Variants in KIF1B observed in about 807,000 individuals in gnomAD.
KIF1B encodes the protein kinesin-like protein KIF1B.
KIF1B carries 76 observed loss-of-function variants against 241.9 expected under a neutral mutation model. The ratio of observed to expected loss-of-function variants is 0.31; its 90% CI spans 0.26 to 0.38. The LOEUF (loss-of-function observed/expected upper bound fraction) is 0.38. Ranked by LOEUF, KIF1B falls within the 10% of genes least tolerant of loss-of-function variation. KIF1B has a pLI of 1.00. For synonymous variants in KIF1B, 750 were observed against 796.7 expected (o/e 0.94, Z 0.99); for missense variants, 1,622 against 2,271.4 (o/e 0.71, Z 5.81).
At chr1:10,361,882 T>C (rs1279563007) in intron 40 of KIF1B, 57 bp downstream of exon 40, 8 of 1,590,690 alleles carry the variant, frequency 5.0e-6, no homozygotes, top group Non-Finnish European at 6.9e-6. Context: ...ACAGAATCAT[T>C]AGTCCTTAAG....
intron 1 of KIF1B, among the ~76,000 whole-genome samples, chr1:10,225,773 T>C (rs1306417769): frequency 1.3e-5 from 2 of 152,176 alleles, no homozygotes; most frequent in Non-Finnish European, 2.9e-5. Flanking sequence ...GCAGTGTTCA[T>C]GTGGGCTTGT....
intron 32 of KIF1B, among the ~76,000 whole-genome samples, chr1:10,340,902 T>C (rs1423612807): frequency 6.6e-6 from 1 of 152,248 alleles, no homozygotes; most frequent in African/African-American, 2.4e-5. Flanking sequence ...CATGAAACTG[T>C]CTCTCATTCT....
intron 2 of KIF1B, among the ~76,000 whole-genome samples, chr1:10,240,486 C>T (rs116722015): frequency 3.3e-3 from 500 of 151,830 alleles, no homozygotes; most frequent in African/African-American, 0.011. Context: ...GGGATTAAAG[C>T]CATGAGCCAC....
intron 22 of KIF1B, among the ~76,000 whole-genome samples, chr1:10,315,756 T>C (rs1651275031): frequency 6.6e-6 from 1 of 151,414 alleles, no homozygotes; most frequent in Non-Finnish European, 1.5e-5. Context: ...AATCTTTTTG[T>C]TAAGAATGCT....
At position 10,282,317 on chromosome 1, in the gene KIF1B, C is replaced by T. The variant is rs1194973419; in HGVS notation, c.1223-5C>T. On this transcript the variant is annotated splice_polypyrimidine_tract_variant and splice_region_variant and intron_variant, in intron 14 of 48. Coordinates refer to ENST00000676179, the MANE Select transcript of KIF1B (RefSeq NM_001365951.3). Reference sequence around the variant, plus strand: ...TTCCTGCCTTCTCTTCTTTCTATCTCCCAGATCTGAAAGATTTTCAGAACA... The same window carrying T: ...TTCCTGCCTTCTCTTCTTTCTATCTTCCAGATCTGAAAGATTTTCAGAACA... 3.1e-6 allele frequency: 5 copies of T among 1,610,680 alleles called. No homozygotes were observed. Among genetic ancestry groups the T allele is most frequent in the Non-Finnish European group, 4.2e-6 (5 of 1,177,238 alleles).
At position 10,223,401 on chromosome 1, in the gene KIF1B, A is replaced by G. The variant is rs1045697352; in HGVS notation, c.-79-8849A>G. On this transcript the variant is annotated intron_variant, in intron 1 of 48. Coordinates refer to ENST00000676179, the MANE Select transcript of KIF1B (RefSeq NM_001365951.3). ...GAAACTAAGTCTTTGATGGATGTCT[A>G]TTATAATGGATACTGTTTATAGTAG... 3.3e-5 allele frequency among the ~76,000 whole-genome samples: 5 copies of G among 152,202 alleles called. No individual in the cohort carries two copies. In the East Asian group the frequency reaches 7.7e-4, roughly 23 times the overall value.
intron 45 of KIF1B, among the ~76,000 whole-genome samples, chr1:10,373,257 C>CTT (rs35038013): frequency 7.8e-6 from 1 of 128,276 alleles, no homozygotes; most frequent in Non-Finnish European, 1.6e-5. Flanking sequence ...CTGCGCCGGC[C>CTT]TTTTTTTTTT....
chr1:10,345,428 A>G (rs1287219973), intron 34 of KIF1B, among the ~76,000 whole-genome samples: 1 of 152,030 alleles, frequency 6.6e-6, no homozygotes. Flanking sequence ...GGGGTGGAGG[A>G]TGGGTCTTTT....
At position 10,244,901 on chromosome 1, in the gene KIF1B, C is replaced by A. The variant is rs368929520; in HGVS notation, c.107-11346C>A. ...GACTGGGATTACAGGCATGAGCCACCGCGCCCGGCCGCCATTTTTCTTAAT... is the reference window on the plus strand; with the variant it reads ...GACTGGGATTACAGGCATGAGCCACAGCGCCCGGCCGCCATTTTTCTTAAT... On this transcript the variant is annotated intron_variant, in intron 2 of 48. Transcript: ENST00000676179. 1.2e-4 allele frequency among the ~76,000 whole-genome samples: 18 copies of A among 152,294 alleles called. No individual in the cohort carries two copies. In the East Asian group the frequency reaches 3.5e-3, roughly 29 times the overall value.
chr1:10,263,431 T>C (rs1254263051), intron 5 of KIF1B, among the ~76,000 whole-genome samples: 2 of 152,132 alleles, frequency 1.3e-5, no homozygotes, highest in East Asian at 3.8e-4. Flanking sequence ...ATGAGTCTGT[T>C]TTGAAAAAAT....
intron 15 of KIF1B, among the ~76,000 whole-genome samples, chr1:10,284,067 T>C (rs1190834899): frequency 2.0e-5 from 3 of 152,194 alleles, no homozygotes; most frequent in Admixed American, 2.0e-4. Flanking sequence ...CCTTGACATT[T>C]TACTTACTTC....
At position 10,339,805 on chromosome 1, in the gene KIF1B, G is replaced by T. The variant is rs1246767853; in HGVS notation, c.3459G>T (p.Glu1153Asp). 6.2e-7 allele frequency: 1 copy of T among 1,614,088 alleles called. No individual in the cohort carries two copies. Among genetic ancestry groups the T allele is most frequent in the East Asian group, 2.2e-5 (1 of 44,876 alleles). ...GCCATGATGAAGCATTCTCCACGGA[G>T]CCCCTCAAAAACAATGGCAGAGGAA... ...LHRHDEAFSTEPLKNNGRGSP... is the reference protein window; with the variant it reads ...LHRHDEAFSTDPLKNNGRGSP... Residue 1153 changes from glutamate (E) to aspartate (D), a missense_variant, in exon 32 of 49, where the codon GAG (glutamate) becomes GAT (aspartate). Transcript: ENST00000676179.
rs1483088059 is a variant in KIF1B at position 10,348,632 on chromosome 1, C to T, written c.3865-17C>T. ...TAGATTGCTTCAGCTAAATTGCAAC[C>T]CTGCTTCATTACCTAGGGCATCCAG... On this transcript the variant is annotated splice_polypyrimidine_tract_variant and intron_variant, in intron 36 of 48. Transcript: ENST00000676179. The T allele has an allele frequency of 1.2e-6, 2 of 1,607,962 alleles. No homozygotes were observed. Among genetic ancestry groups the T allele is most frequent in the Non-Finnish European group, 1.7e-6 (2 of 1,174,628 alleles).
chr1:10,325,224 T>C (rs925240095), intron 26 of KIF1B, among the ~76,000 whole-genome samples: 2 of 152,232 alleles, frequency 1.3e-5, no homozygotes, highest in Admixed American at 1.3e-4. Context: ...TTTAAATTCA[T>C]AGTACAGCTT....
In KIF1B at chr1:10,232,276, G is replaced by T; in HGVS notation, c.-53G>T. On this transcript the variant is annotated 5_prime_UTR_variant, in exon 2 of 49. Coordinates refer to ENST00000676179, the MANE Select transcript of KIF1B (RefSeq NM_001365951.3). ...AAACTTGGCTGTAACTTCAAAAGAAGATTTGATTCTTTATTTCTGGACTGC... is the reference window on the plus strand; with the variant it reads ...AAACTTGGCTGTAACTTCAAAAGAATATTTGATTCTTTATTTCTGGACTGC... 7.3e-7 allele frequency: 1 copy of T among 1,366,192 alleles called. No individual in the cohort carries two copies. Among genetic ancestry groups the T allele is most frequent in the Non-Finnish European group, 1.0e-6 (1 of 968,708 alleles). The allele number at this position is 1,366,192 out of a possible 1,614,324, so 84.6% of individuals were successfully genotyped here.
intron 1 of KIF1B, among the ~76,000 whole-genome samples, chr1:10,231,541 C>T (rs941925248): frequency 6.6e-6 from 1 of 151,886 alleles, no homozygotes; most frequent in Non-Finnish European, 1.5e-5. Flanking sequence ...CGCATACCAC[C>T]ATGCCTGGCT....
intron 31 of KIF1B, among the ~76,000 whole-genome samples, chr1:10,338,129 C>T (rs753916074): frequency 1.3e-5 from 2 of 152,060 alleles, no homozygotes; most frequent in Non-Finnish European, 2.9e-5. Flanking sequence ...AGTTTTAATA[C>T]CTCCAAACTT....
chr1:10,260,965 T>A (rs1203456852), intron 4 of KIF1B, among the ~76,000 whole-genome samples: 2 of 150,720 alleles, frequency 1.3e-5, no homozygotes, highest in Non-Finnish European at 2.9e-5. Flanking sequence ...TTGTATTTTT[T>A]AATTTTTTTT....
At position 10,365,758 on chromosome 1, in the gene KIF1B, T is replaced by C. The variant is rs1385966398; in HGVS notation, c.4752+110T>C. 2 of 1,440,770 alleles carry C rather than the reference T, an allele frequency of 1.4e-6. No homozygotes were observed. Among genetic ancestry groups the C allele is most frequent in the Non-Finnish European group, 1.9e-6 (2 of 1,037,898 alleles). 89.2% of individuals were successfully genotyped at this position (1,440,770 alleles called of 1,614,324 possible). A position where few individuals can be genotyped will look rare whatever the true frequency, so the allele number is the denominator to read the frequency against. On this transcript the variant is annotated intron_variant, in intron 43 of 48. Coordinates refer to ENST00000676179, the MANE Select transcript of KIF1B (RefSeq NM_001365951.3). The surrounding 1 kb of genome is among the most constrained non-coding windows in gnomAD (Gnocchi z 4.0). ...GTTCGAGGTGTTTGAAGGCCTGTGATAATACTGTGAATGTAGAAATAAAAA... is the reference window on the plus strand; with the variant it reads ...GTTCGAGGTGTTTGAAGGCCTGTGACAATACTGTGAATGTAGAAATAAAAA...
Sources: allele counts gnomAD v4.1 joint callset (sites outside exome capture counted in the v4.1 genomes callset), GRCh38; gene constraint gnomAD v4.1.1; non-coding constraint Gnocchi (gnomAD v3.1); transcripts MANE v1.5; gene names NCBI Gene and HGNC (gene_info 2026-07-23, HGNC 2026-07-21).